Variants in CFAP46 observed in about 807,000 individuals in gnomAD.
CFAP46 encodes the protein cilia and flagella associated protein 46.
Under a neutral mutation model 325.7 loss-of-function variants are expected in CFAP46, and 245 were observed. That is an observed-to-expected ratio of 0.75 (90% CI 0.68 to 0.84). CFAP46 has a LOEUF of 0.84. Ranked by LOEUF, CFAP46 falls within the 40% of genes least tolerant of loss-of-function variation. The pLI, the probability that CFAP46 is intolerant of heterozygous loss-of-function variation, is 0.00. For synonymous variants in CFAP46, 1,523 were observed against 1,495.9 expected, an observed-to-expected ratio of 1.02 and a Z score of -0.42; for missense variants, 3,346 against 3,543.0, an observed-to-expected ratio of 0.94 and a Z score of 1.41.
intron 31 of CFAP46, among the ~76,000 whole-genome samples, chr10:132,874,055 G>A (rs754656643): frequency 5.9e-5 from 9 of 152,146 alleles, no homozygotes; most frequent in Non-Finnish European, 8.8e-5. Context: ...ATTCTTCCAC[G>A]CATTTAAGGA....
At chr10:132,849,099 C>T (rs1848490960) in intron 41 of CFAP46, among the ~76,000 whole-genome samples, 1 of 152,218 alleles carries the variant, frequency 6.6e-6, no homozygotes, top group African/African-American at 2.4e-5. Flanking sequence ...GCGGAAGAAC[C>T]CTGCGCCCTC....
intron 24 of CFAP46, among the ~76,000 whole-genome samples, 156 bp from the exon 25 acceptor site, chr10:132,892,573 C>T (rs7076681): frequency 0.28 from 42,559 of 152,078 alleles, 7,286 homozygotes; most frequent in Admixed American, 0.47. Flanking sequence ...AATGTTGTAC[C>T]GGCCACTATT....
chr10:132,823,841 TTG>T (rs1189821830), intron 50 of CFAP46, among the ~76,000 whole-genome samples: 2 of 137,244 alleles, frequency 1.5e-5, no homozygotes, highest in African/African-American at 2.7e-5. Context: ...GTGCTGTATG[TTG>T]TGTGAGTGCT....
intron 50 of CFAP46, among the ~76,000 whole-genome samples, chr10:132,822,759 G>GCA: frequency 9.9e-6 from 1 of 101,442 alleles, no homozygotes; most frequent in African/African-American, 3.2e-5. Flanking sequence ...CTGTGTGAGT[G>GCA]CTGATGTGTG....
rs1048494204 is a variant in CFAP46, at chr10:132,888,888, C to T, written c.3305-2929G>A. On this transcript the variant is annotated intron_variant, in intron 25 of 57. Transcript: ENST00000368586. ...CTTCACCCCTGCCGCCTGCACCTGCCACCTTCACCCCTGCCGCCTGCACCT... is the reference window on the plus strand; with the variant it reads ...CTTCACCCCTGCCGCCTGCACCTGCTACCTTCACCCCTGCCGCCTGCACCT... Among the ~76,000 whole-genome samples, 37 of 149,786 alleles carry T rather than the reference C, an allele frequency of 2.5e-4. No homozygotes were observed. In the South Asian group the frequency reaches 8.0e-3, roughly 32 times the overall value.
At chr10:132,918,593 C>T (rs1849673589) in intron 15 of CFAP46, 73 bp from the exon 16 acceptor site, 1 of 1,464,202 alleles carries the variant, frequency 6.8e-7, no homozygotes, top group Non-Finnish European at 9.1e-7. Context: ...AATTCCTGAA[C>T]CATCTTGGAG....
chr10:132,824,674 T>A (rs1847996780), intron 50 of CFAP46, among the ~76,000 whole-genome samples: 1 of 97,744 alleles, frequency 1.0e-5, no homozygotes, highest in African/African-American at 4.4e-5. Flanking sequence ...ACGTGTGCTG[T>A]GTGCTGATGT....
intron 17 of CFAP46, 127 bp downstream of exon 17, chr10:132,916,422 C>T (rs1303789451): frequency 9.8e-7 from 1 of 1,023,144 alleles, no homozygotes; most frequent in Non-Finnish European, 1.4e-6. Flanking sequence ...ATGGACACGT[C>T]CCCCACGCAA....
In CFAP46 at chr10:132,832,787, T is replaced by C. The variant is rs1848172240; in HGVS notation, c.7117+571A>G. On this transcript the variant is annotated intron_variant, in intron 50 of 57. Transcript: ENST00000368586. The surrounding 1 kb of genome is among the most constrained non-coding windows in gnomAD (Gnocchi z 4.1). ...AGGTCAGGGCCTTCCGCGCGCTCCC[T>C]CGTGCTTTTCACTGTCTGAGTGATT... is the stretch of plus-strand genomic sequence containing the variant. 2.1e-6 allele frequency: 1 copy of C among 471,242 alleles called. No homozygotes were observed. Among genetic ancestry groups the C allele is most frequent in the Non-Finnish European group, 4.4e-6 (1 of 227,066 alleles). The allele number at this position is 471,242 out of a possible 1,614,324, so 29.2% of individuals were successfully genotyped here.
intron 55 of CFAP46, 84 bp downstream of exon 55, chr10:132,812,701 G>T (rs1847604884): frequency 1.1e-5 from 10 of 947,956 alleles, no homozygotes; most frequent in Non-Finnish European, 1.7e-5. Context: ...GGCAGCACCA[G>T]CAGGTGACAG....
At chr10:132,901,768 T>C (rs1307791074) in intron 22 of CFAP46, among the ~76,000 whole-genome samples, 1 of 152,272 alleles carries the variant, frequency 6.6e-6, no homozygotes, top group Non-Finnish European at 1.5e-5. Flanking sequence ...CTTCTGAGGA[T>C]CTGCTGGGAA....
chr10:132,811,614 G>C (rs1420658764), intron 55 of CFAP46, among the ~76,000 whole-genome samples: 1 of 152,194 alleles, frequency 6.6e-6, no homozygotes, highest in Admixed American at 6.5e-5. Flanking sequence ...ACTTCCACTC[G>C]CAGCCTGGCC....
chr10:132,837,083 G>T (rs747001969), intron 44 of CFAP46, 169 bp from the exon 45 acceptor site: 2 of 571,228 alleles, frequency 3.5e-6, no homozygotes, highest in East Asian at 6.0e-5. Flanking sequence ...GAAGTGACTC[G>T]GGGCTGCCAC....
rs1222417081 is a variant in CFAP46 at position 132,880,927 on chromosome 10, C to T, written c.3733G>A (p.Ala1245Thr). The T allele has an allele frequency of 3.2e-6, 5 of 1,550,268 alleles. No individual in the cohort carries two copies. The East Asian group carries it at 9.8e-5, about 30-fold the overall frequency. ...TTCATGGCCAGCAGGATCTCGACAG[C>T]CCAGCGGAGGTGGAAGACCACGTCC... ...LEDVVFHLRW[A>T]VEILLAMKPP... Residue 1245 changes from alanine (A) to threonine (T), a missense_variant, in exon 28 of 58, where the codon GCT (alanine) becomes ACT (threonine). Transcript: ENST00000368586.
Position 132,869,368 on chromosome 10 carries a change from C to T in CFAP46, c.4516G>A (p.Ala1506Thr), listed in dbSNP as rs1301733323. 22 of 1,528,698 alleles carry T rather than the reference C, an allele frequency of 1.4e-5. No individual in the cohort carries two copies. The highest frequency in any genetic ancestry group is 1.7e-4 in the Middle Eastern group (1 of 5,952). 94.7% of individuals were successfully genotyped at this position (1,528,698 alleles called of 1,614,324 possible). Residue 1506 changes from alanine (A) to threonine (T), a missense_variant, in exon 33 of 58, where the codon GCC (alanine) becomes ACC (threonine). Physicochemically the swap from Ala to Thr is moderately conservative, Grantham distance 58. Transcript: ENST00000368586. This position sits in a 1 kb window ranked among gnomAD's most constrained non-coding sequence, Gnocchi z 6.2. ...AGCTTCAGCTCGGAGCACGCGTGGGCGAGGCTGTGGGGAGTGTGGCCGAAA... is the reference window on the plus strand; with the variant it reads ...AGCTTCAGCTCGGAGCACGCGTGGGTGAGGCTGTGGGGAGTGTGGCCGAAA... ...GLSDLYHLRL[A>T]HACSELKLRE...
At chr10:132,930,012 G>C (rs867559254) in intron 8 of CFAP46, among the ~76,000 whole-genome samples, 2 of 152,090 alleles carry the variant, frequency 1.3e-5, no homozygotes, top group Admixed American at 1.3e-4. Context: ...GCAGTCTCCC[G>C]GGGCCAGCAC....
chr10:132,917,697 A>C (rs1483765548), intron 16 of CFAP46, among the ~76,000 whole-genome samples: 1 of 152,208 alleles, frequency 6.6e-6, no homozygotes, highest in East Asian at 1.9e-4. Context: ...ATCTCCCAAG[A>C]ATCCAGGAAG....
chr10:132,931,101 T>C (rs1244392433), intron 8 of CFAP46, among the ~76,000 whole-genome samples: 6 of 29,880 alleles, frequency 2.0e-4, no homozygotes, highest in Admixed American at 7.9e-4. Context: ...CTCCCCACAC[T>C]CCCCACGCAG....
At chr10:132,822,168 G>A in intron 50 of CFAP46, among the ~76,000 whole-genome samples, 1 of 139,888 alleles carries the variant, frequency 7.1e-6, no homozygotes, top group African/African-American at 2.8e-5. Flanking sequence ...TGTGCTGTGT[G>A]TGCTGATGTG....
Sources: allele counts gnomAD v4.1 joint callset (sites outside exome capture counted in the v4.1 genomes callset), GRCh38; gene constraint gnomAD v4.1.1; non-coding constraint Gnocchi (gnomAD v3.1); transcripts MANE v1.5; gene names NCBI Gene and HGNC (gene_info 2026-07-23, HGNC 2026-07-21).